PAM: variants seen among roughly 807,000 people sequenced by gnomAD.
The protein encoded by PAM is peptidylglycine alpha-amidating monooxygenase, also known as peptidyl-glycine alpha-amidating monooxygenase.
A neutral mutation model predicts 122.1 loss-of-function variants in PAM; 72 were observed. The observed-to-expected ratio is 0.59, with a 90% CI of 0.49 to 0.72. PAM has a LOEUF of 0.72. Ranked by LOEUF, PAM falls within the 30% of genes least tolerant of loss-of-function variation. The pLI is 0.00. For synonymous variants in PAM, 389 were observed against 404.4 expected, an observed-to-expected ratio of 0.96 and a Z score of 0.46; for missense variants, 1,106 against 1,183.7, an observed-to-expected ratio of 0.93 and a Z score of 0.96.
chr5:102,850,888 A>C (rs1781201410), intron 1 of PAM, among the ~76,000 whole-genome samples: 1 of 152,226 alleles, frequency 6.6e-6, no homozygotes, highest in Non-Finnish European at 1.5e-5. Flanking sequence ...AAAGAGCAGG[A>C]GTAACTACTG....
intron 1 of PAM, among the ~76,000 whole-genome samples, chr5:102,853,595 T>C (rs916416372): frequency 3.9e-5 from 6 of 152,270 alleles, no homozygotes; most frequent in East Asian, 1.9e-4. Flanking sequence ...TTACTCTTTT[T>C]AGAATTTGCT....
In PAM at chr5:102,907,846, G is replaced by A. The variant is rs1163039354; in HGVS notation, c.269-6088G>A. ...TTGTTTTTGTCTTGTAAATTTGTTG[G>A]AGTTCATTGTAGATTCTGGATATTA... is the stretch of plus-strand genomic sequence containing the variant. On this transcript the variant is annotated intron_variant, in intron 4 of 25. Transcript: ENST00000438793. 1.3e-5 allele frequency among the ~76,000 whole-genome samples: 2 copies of A among 151,910 alleles called. 1 individual carries two copies. Among genetic ancestry groups the A allele is most frequent in the African/African-American group, 4.8e-5 (2 of 41,378 alleles).
intron 14 of PAM, among the ~76,000 whole-genome samples, chr5:102,963,114 G>T (rs1036923413): frequency 1.1e-4 from 17 of 151,988 alleles, no homozygotes; most frequent in African/African-American, 3.1e-4. Context: ...TCTAATGACG[G>T]TAAAGACAGT....
chr5:102,834,925 G>A (rs1287086629), intron 1 of PAM, among the ~76,000 whole-genome samples: 1 of 152,108 alleles, frequency 6.6e-6, no homozygotes, highest in South Asian at 2.1e-4. Flanking sequence ...CACAAAGATA[G>A]TGTCTATCTA....
chr5:102,977,648 A>G (rs1025047560), intron 15 of PAM, among the ~76,000 whole-genome samples: 28 of 142,262 alleles, frequency 2.0e-4, no homozygotes, highest in African/African-American at 7.4e-4. Flanking sequence ...CAACACACAC[A>G]TGCATGTGCG....
chr5:102,907,921 T>C (rs967860858), intron 4 of PAM, among the ~76,000 whole-genome samples: 6 of 151,618 alleles, frequency 4.0e-5, no homozygotes, highest in African/African-American at 1.5e-4. Context: ...ATTTTGTAGG[T>C]TGCCTGTTCA....
chr5:102,803,125 A>T (rs1476340327), intron 1 of PAM, among the ~76,000 whole-genome samples: 1 of 144,256 alleles, frequency 6.9e-6, no homozygotes, highest in Non-Finnish European at 1.5e-5. Context: ...TCTGTGTCCA[A>T]AAAAAAAGAA....
At chr5:102,958,887 C>T (rs1562034327) in intron 12 of PAM, among the ~76,000 whole-genome samples, 1 of 151,856 alleles carries the variant, frequency 6.6e-6, no homozygotes, top group African/African-American at 2.4e-5. Flanking sequence ...TACCTCATAG[C>T]TTTTTTTTAT....
At chr5:102,819,424 TG>T (rs1770973390) in intron 1 of PAM, among the ~76,000 whole-genome samples, 1 of 151,814 alleles carries the variant, frequency 6.6e-6, no homozygotes, top group South Asian at 2.1e-4. Context: ...AGTATAAATT[TG>T]TATTTATATA....
At chr5:102,953,517 C>A (rs2150122788) in intron 12 of PAM, among the ~76,000 whole-genome samples, 1 of 151,886 alleles carries the variant, frequency 6.6e-6, no homozygotes, top group African/African-American at 2.4e-5. Context: ...AAAAGTTGAA[C>A]TCATAGAAAT....
chr5:102,904,657 G>A (rs1309730893), intron 4 of PAM, among the ~76,000 whole-genome samples: 1 of 151,556 alleles, frequency 6.6e-6, no homozygotes, highest in African/African-American at 2.4e-5. Context: ...CAGGCTAGCA[G>A]AATTCTAGAC....
intron 5 of PAM, among the ~76,000 whole-genome samples, chr5:102,916,220 T>C (rs1274954959): frequency 6.6e-6 from 1 of 152,092 alleles, no homozygotes; most frequent in Non-Finnish European, 1.5e-5. Flanking sequence ...ATTCTATGAA[T>C]ATAAATTGCA....
intron 16 of PAM, among the ~76,000 whole-genome samples, chr5:102,994,791 T>C (rs1431967697): frequency 2.0e-5 from 3 of 152,162 alleles, no homozygotes; most frequent in African/African-American, 7.2e-5. Flanking sequence ...CAGACATTAT[T>C]TTAATCTTAA....
chr5:102,831,983 A>G (rs575630202), intron 1 of PAM, among the ~76,000 whole-genome samples: 55 of 151,902 alleles, frequency 3.6e-4, no homozygotes, highest in Non-Finnish European at 7.5e-4. Context: ...TGACTAAATA[A>G]CCAGTGGTAT....
chr5:103,016,703 G>A (rs1276386490), intron 21 of PAM, among the ~76,000 whole-genome samples: 1 of 152,144 alleles, frequency 6.6e-6, no homozygotes, highest in Non-Finnish European at 1.5e-5. Context: ...AGTACTTGGA[G>A]GTAACACTCA....
At chr5:102,911,684 A>G (rs1801450872) in intron 4 of PAM, among the ~76,000 whole-genome samples, 1 of 151,992 alleles carries the variant, frequency 6.6e-6, no homozygotes, top group Non-Finnish European at 1.5e-5. Context: ...TTTATGATCT[A>G]TTCCCTTACC....
At chr5:103,013,107 G>C (rs535653312) in intron 21 of PAM, among the ~76,000 whole-genome samples, 48 of 152,184 alleles carry the variant, frequency 3.2e-4, no homozygotes, top group African/African-American at 1.1e-3. Flanking sequence ...TTACTGTGAA[G>C]AATATTGATA....
At chr5:102,837,950 A>G (rs910857576) in intron 1 of PAM, among the ~76,000 whole-genome samples, 4 of 152,218 alleles carry the variant, frequency 2.6e-5, no homozygotes, top group African/African-American at 9.6e-5. Context: ...ATAGATATTT[A>G]TAATTTTTCA....
At chr5:103,006,255 T>G (rs924699111) in intron 18 of PAM, among the ~76,000 whole-genome samples, 2 of 152,158 alleles carry the variant, frequency 1.3e-5, no homozygotes, top group African/African-American at 4.8e-5. Flanking sequence ...TATTTCTATT[T>G]TTTTACTTAT....
Sources: allele counts gnomAD v4.1 joint callset (sites outside exome capture counted in the v4.1 genomes callset), GRCh38; gene constraint gnomAD v4.1.1; transcripts MANE v1.5; gene names NCBI Gene and HGNC (gene_info 2026-07-23, HGNC 2026-07-21).